The following LPAR3 variants were observed in gnomAD, a reference collection of about 807,000 sequenced individuals.
The protein encoded by LPAR3 is lysophosphatidic acid receptor 3.
LPAR3 carries 7 observed loss-of-function variants against 17.8 expected under a neutral mutation model. That is an observed-to-expected ratio of 0.39 (90% CI 0.22 to 0.74). The LOEUF is 0.74. Among genes scored for constraint, LPAR3 ranks in the 30% least tolerant of loss-of-function variants. The pLI, the probability that LPAR3 is intolerant of heterozygous loss-of-function variation, is 0.40. For synonymous variants in LPAR3, 179 were observed against 179.9 expected (o/e 0.99, Z 0.04); for missense variants, 391 against 453.4 (o/e 0.86, Z 1.25).
intron 1 of LPAR3, among the ~76,000 whole-genome samples, chr1:84,869,135 A>T (rs976506346): frequency 2.6e-4 from 40 of 152,332 alleles, no homozygotes; most frequent in Admixed American, 2.5e-3. Context: ...ATTTTGAAGG[A>T]TCTTAACATT....
chr1:84,820,926 C>A lies in LPAR3; in HGVS notation c.737-6755G>T, dbSNP rs189510647. ...AATCAATTTAGTGAGTTGCAACCAG[C>A]GATTTTTTAAAAAAAATGAAATAGA... On this transcript the variant is annotated intron_variant, in intron 2 of 2. Coordinates refer to ENST00000370611, the MANE Select transcript of LPAR3 (RefSeq NM_012152.3). Among the ~76,000 whole-genome samples, 9 of 151,592 alleles carry A rather than the reference C, an allele frequency of 5.9e-5. No homozygotes were observed. The East Asian group carries it at 1.6e-3, about 26-fold the overall frequency.
chr1:84,832,653 C>G (rs1168457970), intron 2 of LPAR3, among the ~76,000 whole-genome samples: 1 of 152,174 alleles, frequency 6.6e-6, no homozygotes, highest in Non-Finnish European at 1.5e-5. Flanking sequence ...CAAACACCTT[C>G]GAGATCAGGC....
At chr1:84,890,951 T>C (rs1660542498) in intron 1 of LPAR3, among the ~76,000 whole-genome samples, 1 of 152,182 alleles carries the variant, frequency 6.6e-6, no homozygotes. Flanking sequence ...TGTGTGTGCA[T>C]TTCTTCCACT....
At chr1:84,854,491 A>G (rs2102760386) in intron 2 of LPAR3, among the ~76,000 whole-genome samples, 1 of 152,304 alleles carries the variant, frequency 6.6e-6, no homozygotes, top group African/African-American at 2.4e-5. Context: ...CACACACAGG[A>G]AAAGCCACAC....
intron 1 of LPAR3, among the ~76,000 whole-genome samples, chr1:84,884,178 C>A (rs1035697137): frequency 6.6e-6 from 1 of 152,170 alleles, no homozygotes; most frequent in Non-Finnish European, 1.5e-5. Context: ...CTTAGCAAAT[C>A]GGGTATCAGT....
At chr1:84,841,988 A>C (rs892145163) in intron 2 of LPAR3, among the ~76,000 whole-genome samples, 5 of 152,224 alleles carry the variant, frequency 3.3e-5, no homozygotes, top group African/African-American at 1.2e-4. Context: ...TAAGCAGAAG[A>C]AGCAGGACAG....
intron 2 of LPAR3, among the ~76,000 whole-genome samples, chr1:84,849,640 G>T (rs1659664435): frequency 6.6e-6 from 1 of 152,124 alleles, no homozygotes; most frequent in African/African-American, 2.4e-5. Flanking sequence ...TCCACCAGTT[G>T]CTAAGATAAC....
At chr1:84,848,002 T>G (rs1659624175) in intron 2 of LPAR3, among the ~76,000 whole-genome samples, 1 of 152,196 alleles carries the variant, frequency 6.6e-6, no homozygotes, top group South Asian at 2.1e-4. Flanking sequence ...CCCTGTCATC[T>G]AGGAGCTGCC....
At position 84,865,840 on chromosome 1, in the gene LPAR3, G is replaced by T; in HGVS notation, c.281C>A (p.Ser94Ter). ...VFLMFNTGPV[S>*]KTLTVNRWFL... Reference sequence around the variant, plus strand: ...CCAGCGGTTGACAGTCAAAGTTTTTGAAACTGGGCCTGTGTTAAACATCAG... The same window carrying T: ...CCAGCGGTTGACAGTCAAAGTTTTTTAAACTGGGCCTGTGTTAAACATCAG... Residue 94 changes from serine to a stop codon, truncating the protein, a stop_gained, in exon 2 of 3, where the codon TCA becomes TAA. Coordinates refer to ENST00000370611, the MANE Select transcript of LPAR3 (RefSeq NM_012152.3). LOFTEE classifies it high-confidence loss of function. 6.2e-7 allele frequency: 1 copy of T among 1,614,202 alleles called. No homozygotes were observed. Among genetic ancestry groups the T allele is most frequent in the South Asian group, 1.1e-5 (1 of 91,074 alleles).
chr1:84,880,026 C>T (rs1319638614), intron 1 of LPAR3, among the ~76,000 whole-genome samples: 1 of 152,208 alleles, frequency 6.6e-6, no homozygotes, highest in Non-Finnish European at 1.5e-5. Context: ...CTATATAGTA[C>T]ATGTATCAAA....
chr1:84,872,565 A>G (rs370209052), intron 1 of LPAR3, among the ~76,000 whole-genome samples: 75 of 152,370 alleles, frequency 4.9e-4, no homozygotes, highest in African/African-American at 1.7e-3. Flanking sequence ...CTGGATTATA[A>G]CCCGAAGTAT....
At chr1:84,826,959 T>C (rs1343508958) in intron 2 of LPAR3, among the ~76,000 whole-genome samples, 1 of 152,190 alleles carries the variant, frequency 6.6e-6, no homozygotes, top group Non-Finnish European at 1.5e-5. Flanking sequence ...AGAAACACTA[T>C]AAGATTGATA....
At chr1:84,832,482 A>G (rs1276280344) in intron 2 of LPAR3, among the ~76,000 whole-genome samples, 1 of 152,194 alleles carries the variant, frequency 6.6e-6, no homozygotes, top group Non-Finnish European at 1.5e-5. Context: ...GAACTTAGAG[A>G]AGATATCACA....
At chr1:84,822,440 G>A (rs1659076127) in intron 2 of LPAR3, among the ~76,000 whole-genome samples, 1 of 152,112 alleles carries the variant, frequency 6.6e-6, no homozygotes, top group African/African-American at 2.4e-5. Context: ...AAGGTAATCA[G>A]AAACATCAAA....
chr1:84,822,127 G>A (rs1008199976), intron 2 of LPAR3, among the ~76,000 whole-genome samples: 6 of 152,102 alleles, frequency 3.9e-5, no homozygotes, highest in African/African-American at 1.4e-4. Context: ...CCTTTATGAG[G>A]ACTCAGTTTG....
At chr1:84,878,626 A>C (rs1339097132) in intron 1 of LPAR3, among the ~76,000 whole-genome samples, 1 of 152,162 alleles carries the variant, frequency 6.6e-6, no homozygotes, top group Admixed American at 6.5e-5. Flanking sequence ...CTCTCAAATG[A>C]ATTTTCAATC....
intron 1 of LPAR3, among the ~76,000 whole-genome samples, chr1:84,871,634 T>C (rs1347779996): frequency 6.6e-6 from 1 of 152,228 alleles, no homozygotes; most frequent in Non-Finnish European, 1.5e-5. Flanking sequence ...GTTGGTACTC[T>C]AGCAACCAAT....
At chr1:84,891,699 G>A (rs1053645044) in intron 1 of LPAR3, among the ~76,000 whole-genome samples, 2 of 152,148 alleles carry the variant, frequency 1.3e-5, no homozygotes, top group African/African-American at 4.8e-5. Context: ...AACGTTGTGC[G>A]GTACATGGAA....
At chr1:84,868,674 T>G (rs1308936834) in intron 1 of LPAR3, among the ~76,000 whole-genome samples, 3 of 152,102 alleles carry the variant, frequency 2.0e-5, no homozygotes, top group Non-Finnish European at 4.4e-5. Flanking sequence ...ATTAGTGCCC[T>G]TATTGAAGAG....
Sources: gnomAD v4.1 joint callset for allele counts (sites outside exome capture counted in the v4.1 genomes callset) on GRCh38, gnomAD v4.1.1 for gene constraint, MANE v1.5 for transcripts, NCBI Gene and HGNC (gene_info 2026-07-23, HGNC 2026-07-21) for gene names.